IL20RB: variants seen among roughly 807,000 people sequenced by gnomAD.
The protein encoded by IL20RB is interleukin 20 receptor subunit beta.
A neutral mutation model predicts 33.3 loss-of-function variants in IL20RB; 21 were observed. That is an observed-to-expected ratio of 0.63 (90% CI 0.45 to 0.91). The LOEUF is 0.91. Among genes scored for constraint, IL20RB ranks in the 40% least tolerant of loss-of-function variants. IL20RB has a pLI of 0.00. For synonymous variants in IL20RB, 147 were observed against 146.8 expected, an observed-to-expected ratio of 1.00 and a Z score of -0.01; for missense variants, 345 against 384.8, an observed-to-expected ratio of 0.90 and a Z score of 0.86.
intron 6 of IL20RB, among the ~76,000 whole-genome samples, chr3:136,999,447 C>A (rs1490574537): frequency 1.3e-5 from 2 of 152,034 alleles, no homozygotes; most frequent in Non-Finnish European, 2.9e-5. Context: ...CTATGTTTCC[C>A]AGGCTGGTCT....
Position 137,005,406 on chromosome 3 carries a change from CTT to C in IL20RB, c.826-4705_826-4704del, listed in dbSNP as rs539794032. On this transcript the variant is annotated intron_variant, in intron 6 of 6. Transcript: ENST00000329582. ...TATTATTGTGTGGGAGTCTAAGTCT[CTT>C]TGTAGTTCTCTAAGGACTTGCTTTA... Among the ~76,000 whole-genome samples the C allele has an allele frequency of 4.6e-5, 7 of 152,270 alleles. No homozygotes were observed. The South Asian group carries it at 1.5e-3, about 32-fold the overall frequency.
intron 6 of IL20RB, among the ~76,000 whole-genome samples, chr3:137,006,188 GC>G (rs1441300139): frequency 2.0e-5 from 3 of 152,170 alleles, no homozygotes; most frequent in Non-Finnish European, 2.9e-5. Context: ...CTTTCTGGCT[GC>G]CCTTAACACT....
chr3:137,006,720 C>T (rs1655366978), intron 6 of IL20RB, among the ~76,000 whole-genome samples: 1 of 152,160 alleles, frequency 6.6e-6, no homozygotes, highest in South Asian at 2.1e-4. Context: ...CCAACATCCT[C>T]CTTTAGCTTG....
At chr3:136,995,641 A>G (rs1331631939) in intron 6 of IL20RB, 85 bp downstream of exon 6, 2 of 1,320,812 alleles carry the variant, frequency 1.5e-6, no homozygotes, top group African/African-American at 2.9e-5. Context: ...ACATGTTTCC[A>G]TGTTTCTATC....
intron 5 of IL20RB, 61 bp downstream of exon 5, chr3:136,992,149 T>A: frequency 6.4e-7 from 1 of 1,563,192 alleles, no homozygotes; most frequent in Middle Eastern, 2.1e-4. Context: ...CTGGCATATC[T>A]CAGAGGCCTG....
In IL20RB at chr3:136,992,160, C is replaced by T. The variant is rs896861932; in HGVS notation, c.682+72C>T. 8 of 1,516,378 alleles carry T rather than the reference C, an allele frequency of 5.3e-6. No individual in the cohort carries two copies. The African/African-American group carries it at 1.1e-4, about 21-fold the overall frequency. 93.9% of individuals were successfully genotyped at this position (1,516,378 alleles called of 1,614,324 possible). A position where few individuals can be genotyped will look rare whatever the true frequency, so the allele number is the denominator to read the frequency against. ...CCTCCTGGCATATCTCAGAGGCCTG[C>T]TGGGTTCCTTTGGTTCTGAGTTTTT... On this transcript the variant is annotated intron_variant, in intron 5 of 6. Coordinates refer to ENST00000329582, the MANE Select transcript of IL20RB (RefSeq NM_144717.4).
chr3:136,990,270 G>A (rs1244541028), intron 4 of IL20RB, among the ~76,000 whole-genome samples: 1 of 152,082 alleles, frequency 6.6e-6, no homozygotes, highest in Non-Finnish European at 1.5e-5. Flanking sequence ...CCCACTCCAG[G>A]CAGCACAAGC....
intron 4 of IL20RB, among the ~76,000 whole-genome samples, chr3:136,991,092 G>C (rs1276099600): frequency 6.6e-6 from 1 of 152,202 alleles, no homozygotes; most frequent in Non-Finnish European, 1.5e-5. Context: ...GGGGCATGGA[G>C]GTGGAAGGGT....
At position 137,006,626 on chromosome 3, in the gene IL20RB, T is replaced by C. The variant is rs532430406; in HGVS notation, c.826-3487T>C. 3.3e-5 allele frequency among the ~76,000 whole-genome samples: 5 copies of C among 152,330 alleles called. No homozygotes were observed. The South Asian group carries it at 8.3e-4, about 25-fold the overall frequency. ...CATGGTTTTCAGCTCCATCAGGTCA[T>C]TTAAGGTCTTCTCTACACTGTTTAT... is the stretch of plus-strand genomic sequence containing the variant. On this transcript the variant is annotated intron_variant, in intron 6 of 6. Transcript: ENST00000329582.
intron 6 of IL20RB, among the ~76,000 whole-genome samples, chr3:137,003,235 A>G (rs1347617704): frequency 1.3e-5 from 2 of 152,058 alleles, no homozygotes; most frequent in Non-Finnish European, 2.9e-5. Flanking sequence ...TTGGCTTAGG[A>G]TTCTCTTGGC....
chr3:136,972,197 T>G (rs1941503290), intron 1 of IL20RB, among the ~76,000 whole-genome samples: 1 of 152,200 alleles, frequency 6.6e-6, no homozygotes, highest in Non-Finnish European at 1.5e-5. Flanking sequence ...TTTAGTGTTG[T>G]TATTTGAGTT....
chr3:136,973,970 C>T (rs1049083262), intron 1 of IL20RB, among the ~76,000 whole-genome samples: 3 of 151,882 alleles, frequency 2.0e-5, no homozygotes, highest in African/African-American at 4.8e-5. Context: ...AGGTGAATTT[C>T]GTGTAAGCAG....
chr3:136,961,904 A>G (rs2108170539), intron 1 of IL20RB, among the ~76,000 whole-genome samples: 1 of 152,338 alleles, frequency 6.6e-6, no homozygotes, highest in South Asian at 2.1e-4. Context: ...AACGGGTGGG[A>G]ACAAGTTAAA....
intron 1 of IL20RB, among the ~76,000 whole-genome samples, chr3:136,974,487 T>C (rs1310186695): frequency 6.6e-6 from 1 of 152,198 alleles, no homozygotes; most frequent in East Asian, 1.9e-4. Flanking sequence ...TTCTGGCCTA[T>C]GCGATTTCTG....
At chr3:136,993,447 G>A (rs2108210871) in intron 5 of IL20RB, among the ~76,000 whole-genome samples, 1 of 152,164 alleles carries the variant, frequency 6.6e-6, no homozygotes, top group South Asian at 2.1e-4. Context: ...TATACTTTAA[G>A]TTCTAGGGTA....
intron 3 of IL20RB, chr3:136,986,658 T>C (rs2108204331): frequency 2.2e-6 from 1 of 456,708 alleles, no homozygotes; most frequent in Non-Finnish European, 4.4e-6. Context: ...AGGGACGCGA[T>C]GGGGAAAGGC....
At chr3:136,993,830 T>G (rs1942077396) in intron 5 of IL20RB, among the ~76,000 whole-genome samples, 1 of 151,936 alleles carries the variant, frequency 6.6e-6, no homozygotes, top group Non-Finnish European at 1.5e-5. Flanking sequence ...CTGACCATTG[T>G]GATGAAACCC....
At position 136,980,500 on chromosome 3, in the gene IL20RB, C is replaced by T; in HGVS notation, c.123C>T (p.Leu41=). 1 of 1,614,206 alleles carries T rather than the reference C, an allele frequency of 6.2e-7. No individual in the cohort carries two copies. Among genetic ancestry groups the T allele is most frequent in the Non-Finnish European group, 8.5e-7 (1 of 1,180,036 alleles). ...EVAILPAPQN[L]SVLSTNMKHL... The stretch of plus-strand genomic sequence containing the variant: ...CCATTCTGCCTGCCCCTCAGAACCT[C>T]TCTGTACTCTCAACCAACATGAAGC... Residue 41 remains leucine (L), a synonymous_variant, in exon 2 of 7, where the codon CTC becomes CTT. Transcript: ENST00000329582.
intron 6 of IL20RB, among the ~76,000 whole-genome samples, chr3:136,996,696 G>C (rs1191764498): frequency 6.6e-6 from 1 of 152,154 alleles, no homozygotes; most frequent in Non-Finnish European, 1.5e-5. Context: ...TACTAGTACA[G>C]AGCTAAGTGC....
Sources: gnomAD v4.1 joint callset for allele counts (sites outside exome capture counted in the v4.1 genomes callset) on GRCh38, gnomAD v4.1.1 for gene constraint, MANE v1.5 for transcripts, NCBI Gene and HGNC (gene_info 2026-07-23, HGNC 2026-07-21) for gene names.